Variants in SI observed in about 807,000 individuals in gnomAD.
The protein encoded by SI is sucrase-isomaltase, also known as sucrase-isomaltase, intestinal.
Under a neutral mutation model 253.3 loss-of-function variants are expected in SI, and 235 were observed. The observed-to-expected ratio is 0.93, with a 90% confidence interval of 0.83 to 1.03. The LOEUF (loss-of-function observed/expected upper bound fraction) is 1.03, where lower values mean the gene tolerates loss of function less well. SI is among the 50% of genes least tolerant of loss of function. The pLI, the probability that SI is intolerant of heterozygous loss-of-function variation, is 0.00. For synonymous variants in SI, 819 were observed against 712.0 expected, an observed-to-expected ratio of 1.15 and a Z score of -2.39; for missense variants, 2,442 against 2,211.1, an observed-to-expected ratio of 1.10 and a Z score of -2.09.
chr3:165,009,255 A>G, intron 35 of SI, 24 bp downstream of exon 35: 2 of 1,440,444 alleles, frequency 1.4e-6, no homozygotes, highest in Non-Finnish European at 2.0e-6. Flanking sequence ...AACTTAAAAC[A>G]TAGATTGTTC....
In SI at chr3:165,023,514, C is replaced by A. The variant is rs1711738665; in HGVS notation, c.3099+56G>T. On this transcript the variant is annotated intron_variant, in intron 26 of 47. Transcript: ENST00000264382. The stretch of plus-strand genomic sequence containing the variant: ...ATTAAATATCAATCACAGGATTATT[C>A]AAAATCTCATCTCACAAGATGAGTT... The A allele has an allele frequency of 3.4e-6, 4 of 1,167,818 alleles. No individual in the cohort carries two copies. The African/African-American group carries it at 4.6e-5, about 13-fold the overall frequency. The allele number at this position is 1,167,818 out of a possible 1,614,324, so 72.3% of individuals were successfully genotyped here.
chr3:165,083,534 T>C, the SI span, among the ~76,000 whole-genome samples: 1 of 152,012 alleles, frequency 6.6e-6, no homozygotes, highest in Non-Finnish European at 1.5e-5. Context: ...TTCTTCTGAA[T>C]AGTAAATGAA....
chr3:165,062,564 T>A, intron 8 of SI, 81 bp from the exon 9 acceptor site: 1 of 737,560 alleles, frequency 1.4e-6, no homozygotes, highest in Non-Finnish European at 2.5e-6. Flanking sequence ...TTTAAATTAA[T>A]TTGTATTAAC....
chr3:165,079,086 A>T (rs906227353), upstream of SI, among the ~76,000 whole-genome samples: 1 of 151,606 alleles, frequency 6.6e-6, no homozygotes, highest in Non-Finnish European at 1.5e-5. Context: ...CACTCATTGA[A>T]TTATAAAAAA....
the SI span, among the ~76,000 whole-genome samples, chr3:165,089,087 CT>C: frequency 1.5e-4 from 7 of 46,322 alleles, no homozygotes; most frequent in South Asian, 5.9e-4. Context: ...TTTCTTTTTT[CT>C]TTTTTTTTTA....
At chr3:165,082,941 G>T (rs1715386155), upstream of SI, among the ~76,000 whole-genome samples, 1 of 151,920 alleles carries the variant, frequency 6.6e-6, no homozygotes, top group Non-Finnish European at 1.5e-5. Context: ...AGGAAGGCTA[G>T]CTTTGAATTG....
At chr3:165,047,344 C>A (rs141467099) in intron 15 of SI, among the ~76,000 whole-genome samples, 1 of 151,986 alleles carries the variant, frequency 6.6e-6, no homozygotes, top group East Asian at 1.9e-4. Flanking sequence ...ACTTGCTTCT[C>A]CTTGTCTTCT....
chr3:165,065,263 C>A lies in SI; in HGVS notation c.805G>T (p.Asp269Tyr), dbSNP rs1425353295. 6.3e-7 allele frequency: 1 copy of A among 1,588,174 alleles called. No homozygotes were observed. The highest frequency in any genetic ancestry group is 1.7e-4 in the Middle Eastern group (1 of 5,918). The change falls in exon 7 of 48, where the codon GAT becomes TAT. Residue 269 changes from aspartate to tyrosine, a missense_variant and splice_region_variant. Coordinates refer to ENST00000264382, the MANE Select transcript of SI (RefSeq NM_001041.4). Reference sequence around the variant, plus strand: ...TAACAAGAAAAATAATTTCTTACATCACCAGGAAGTTGGTCTCGAGTAAAA... The same window carrying A: ...TAACAAGAAAAATAATTTCTTACATAACCAGGAAGTTGGTCTCGAGTAAAA... ...PIFTRDQLPG[D>Y]NNNNLYGHQT... is the part of the protein sequence containing the mutation.
At position 165,007,970 on chromosome 3, in the gene SI, T is replaced by C. The variant is rs1576881665; in HGVS notation, c.4208A>G (p.Asn1403Ser). 2 of 1,593,478 alleles carry C rather than the reference T, an allele frequency of 1.3e-6. No homozygotes were observed. Among genetic ancestry groups the C allele is most frequent in the Non-Finnish European group, 8.6e-7 (1 of 1,162,612 alleles). ...IDMNEPSSFVNGTTTNQCRND... is the reference protein window; with the variant it reads ...IDMNEPSSFVSGTTTNQCRND... ...TCTGCATTGATTAGTAGTTGTTCCATTTACAAAACTTGATGGCTCATTCAT... is the reference window on the plus strand; with the variant it reads ...TCTGCATTGATTAGTAGTTGTTCCACTTACAAAACTTGATGGCTCATTCAT... The change falls in exon 36 of 48, where the codon AAT becomes AGT. Residue 1403 changes from asparagine to serine, a missense_variant. By Grantham distance (46) the Asn-to-Ser change is conservative. Transcript: ENST00000264382.
intron 47 of SI, 118 bp downstream of exon 47, chr3:164,982,125 T>A (rs1314492922): frequency 1.4e-6 from 1 of 726,740 alleles, no homozygotes; most frequent in African/African-American, 1.8e-5. Flanking sequence ...AAAAGGAATA[T>A]ATGAAGAATG....
intron 23 of SI, 34 bp downstream of exon 23, chr3:165,033,361 T>A (rs146033814): frequency 6.6e-7 from 1 of 1,521,304 alleles, no homozygotes; most frequent in Admixed American, 1.9e-5. Context: ...GAACAAATTA[T>A]GCATTTAAGT....
At chr3:164,992,875 T>C (rs1292663955) in intron 41 of SI, among the ~76,000 whole-genome samples, 2 of 151,840 alleles carry the variant, frequency 1.3e-5, no homozygotes, top group Non-Finnish European at 2.9e-5. Context: ...CTCTGTAACA[T>C]GTTAATGGAT....
At position 165,036,438 on chromosome 3, in the gene SI, T is replaced by C; in HGVS notation, c.2466A>G (p.Glu822=). The C allele has an allele frequency of 1.2e-6, 2 of 1,611,686 alleles. No homozygotes were observed. The highest frequency in any genetic ancestry group is 1.7e-6 in the Non-Finnish European group (2 of 1,178,436). The part of the protein sequence containing the change: ...NPLGLIVALG[E]NNTAKGDFFW... ...AAAAGTCTCCTTTGGCTGTGTTGTTTTCACCTAATGCGACTATAAGTCCTA... is the reference window on the plus strand; with the variant it reads ...AAAAGTCTCCTTTGGCTGTGTTGTTCTCACCTAATGCGACTATAAGTCCTA... The change falls in exon 22 of 48, where the codon GAA becomes GAG. Residue 822 remains glutamate, a synonymous_variant. Coordinates refer to ENST00000264382, the MANE Select transcript of SI (RefSeq NM_001041.4).
chr3:165,064,898 C>T (rs368297633), intron 7 of SI, among the ~76,000 whole-genome samples: 2 of 152,070 alleles, frequency 1.3e-5, no homozygotes, highest in East Asian at 1.9e-4. Flanking sequence ...GCTAGGCAGA[C>T]ATTGTATTAT....
At chr3:165,036,139 T>C (rs1330010461) in intron 22 of SI, among the ~76,000 whole-genome samples, 1 of 151,850 alleles carries the variant, frequency 6.6e-6, no homozygotes, top group East Asian at 1.9e-4. Context: ...TAGATAAAGA[T>C]AGATTAAAAA....
At chr3:165,047,412 C>T (rs1298462571) in intron 15 of SI, among the ~76,000 whole-genome samples, 1 of 152,082 alleles carries the variant, frequency 6.6e-6, no homozygotes. Flanking sequence ...AAACCTCCTT[C>T]TTTAGTAAAT....
the SI span, among the ~76,000 whole-genome samples, chr3:165,088,532 T>C: frequency 1.3e-5 from 2 of 151,746 alleles, no homozygotes; most frequent in East Asian, 3.9e-4. Flanking sequence ...TCCCAGGTAC[T>C]CAGGAGGCTG....
chr3:165,090,159 A>AG, the SI span, among the ~76,000 whole-genome samples: 177 of 147,748 alleles, frequency 1.2e-3, no homozygotes, highest in African/African-American at 3.7e-3. Flanking sequence ...TAAAAAAAAA[A>AG]AGAGAGAGAG....
chr3:165,063,451 T>C lies in SI; in HGVS notation c.898A>G (p.Asn300Asp), dbSNP rs907062698. ...KSFGVFLMNS[N>D]AMEIFIQPTP... ...AATGAATTATTCTTACCCATTGCAT[T>C]GCTATTCATTAAAAAAACACCGAAT... The change falls in exon 8 of 48, where the codon AAT becomes GAT. Residue 300 changes from asparagine to aspartate, a missense_variant. Asn to Asp is a conservative substitution (Grantham distance 23). Transcript: ENST00000264382. 1.5e-5 allele frequency: 21 copies of C among 1,429,624 alleles called. No individual in the cohort carries two copies. The Middle Eastern group carries it at 3.7e-3, about 252-fold the overall frequency. 88.6% of individuals were successfully genotyped at this position (1,429,624 alleles called of 1,614,324 possible). A position where few individuals can be genotyped will look rare whatever the true frequency, so the allele number is the denominator to read the frequency against.
Sources: allele counts gnomAD v4.1 joint callset (sites outside exome capture counted in the v4.1 genomes callset), GRCh38; gene constraint gnomAD v4.1.1; transcripts MANE v1.5; gene names NCBI Gene and HGNC (gene_info 2026-07-23, HGNC 2026-07-21).